Variants in PUM1 observed in about 807,000 individuals in gnomAD.
The protein encoded by PUM1 is pumilio homolog 1.
A neutral mutation model predicts 131.8 loss-of-function variants in PUM1; 13 were observed. The observed-to-expected ratio is 0.10, with a 90% CI of 0.06 to 0.16. PUM1 has a LOEUF of 0.16. PUM1 is among the 10% of genes least tolerant of loss of function. PUM1 has a pLI of 1.00. For synonymous variants in PUM1, 509 were observed against 556.5 expected (o/e 0.91, Z 1.20); for missense variants, 961 against 1,512.4 (o/e 0.64, Z 6.05).
chr1:31,050,125 A>AC (rs777396480), intron 2 of PUM1, among the ~76,000 whole-genome samples: 2 of 152,068 alleles, frequency 1.3e-5, no homozygotes, highest in Non-Finnish European at 2.9e-5. Context: ...GCCAATTGCA[A>AC]CCAGCCGAAC....
intron 2 of PUM1, among the ~76,000 whole-genome samples, chr1:31,029,579 A>G (rs753649110): frequency 1.3e-5 from 2 of 152,240 alleles, no homozygotes; most frequent in Non-Finnish European, 2.9e-5. Context: ...AGATTATTCA[A>G]AACAGTTATA....
intron 4 of PUM1, 60 bp downstream of exon 4, chr1:31,006,934 C>T: frequency 2.3e-6 from 3 of 1,332,494 alleles, no homozygotes; most frequent in Non-Finnish European, 2.1e-6. Flanking sequence ...TTGCCAATTG[C>T]TGAGGAAAGG....
At chr1:30,972,444 G>A (rs867254087) in intron 10 of PUM1, among the ~76,000 whole-genome samples, 1 of 29,290 alleles carries the variant, frequency 3.4e-5, no homozygotes, top group Non-Finnish European at 5.5e-5. Context: ...GAGGGGAGGG[G>A]AGGGAAGAGA....
chr1:31,044,210 G>A (rs1006332211), intron 2 of PUM1, among the ~76,000 whole-genome samples: 2 of 152,004 alleles, frequency 1.3e-5, no homozygotes, highest in East Asian at 3.9e-4. Flanking sequence ...GACCATCCTG[G>A]CTAACACTGT....
intron 7 of PUM1, among the ~76,000 whole-genome samples, chr1:30,990,456 C>T (rs982848158): frequency 6.6e-6 from 1 of 151,348 alleles, no homozygotes; most frequent in East Asian, 1.9e-4. Flanking sequence ...ATGAGGTGGA[C>T]GTAAATTAGA....
intron 2 of PUM1, among the ~76,000 whole-genome samples, chr1:31,038,179 C>T (rs1643678818): frequency 6.7e-6 from 1 of 148,992 alleles, no homozygotes. Flanking sequence ...GAAGAAAATG[C>T]AGATGATCTT....
intron 9 of PUM1, among the ~76,000 whole-genome samples, chr1:30,977,067 A>G (rs1471081994): frequency 6.6e-6 from 1 of 152,232 alleles, no homozygotes; most frequent in Non-Finnish European, 1.5e-5. Flanking sequence ...TGTGTGTCCA[A>G]GAGTTATCTT....
chr1:30,938,275 G>A (rs1248603453), intron 20 of PUM1, among the ~76,000 whole-genome samples: 1 of 151,852 alleles, frequency 6.6e-6, no homozygotes, highest in Non-Finnish European at 1.5e-5. Flanking sequence ...TTTTGTTTGA[G>A]ACAGTCTCGC....
chr1:31,032,934 C>T (rs1239805592), intron 2 of PUM1, among the ~76,000 whole-genome samples: 1 of 151,956 alleles, frequency 6.6e-6, no homozygotes, highest in Non-Finnish European at 1.5e-5. Flanking sequence ...GGCAAAACTC[C>T]GTCTCTACTA....
At chr1:31,006,305 A>C (rs963929902) in intron 4 of PUM1, among the ~76,000 whole-genome samples, 2 of 152,234 alleles carry the variant, frequency 1.3e-5, no homozygotes, top group African/African-American at 4.8e-5. Context: ...CTTTATAAGT[A>C]AAAGGATTTC....
At chr1:30,965,878 G>T in intron 13 of PUM1, 104 bp downstream of exon 13, 4 of 1,229,628 alleles carry the variant, frequency 3.3e-6, no homozygotes, top group Non-Finnish European at 4.5e-6. Flanking sequence ...TTCCCACAAG[G>T]CTTGGTCCAG....
chr1:31,038,984 A>ATATATATATATATATTTTTT, intron 2 of PUM1, among the ~76,000 whole-genome samples: 3 of 49,414 alleles, frequency 6.1e-5, no homozygotes, highest in African/African-American at 2.1e-4. Context: ...ATATATATAT[A>ATATATATATATATATTTTTT]TTTTTTTTTT....
chr1:30,999,981 T>C (rs893294595), intron 5 of PUM1, among the ~76,000 whole-genome samples: 7 of 152,134 alleles, frequency 4.6e-5, no homozygotes, highest in African/African-American at 1.7e-4. Flanking sequence ...CACAAAGCAG[T>C]GGTTCTATGA....
intron 6 of PUM1, among the ~76,000 whole-genome samples, chr1:30,993,763 A>T (rs1009887781): frequency 3.3e-5 from 5 of 152,166 alleles, no homozygotes. Flanking sequence ...CCTGTGCCTT[A>T]AATTTCTTCC....
intron 2 of PUM1, among the ~76,000 whole-genome samples, chr1:31,051,296 C>G (rs934442265): frequency 2.0e-5 from 3 of 150,918 alleles, no homozygotes; most frequent in African/African-American, 7.3e-5. Flanking sequence ...TATATTCATC[C>G]ACTGAATTTT....
chr1:31,006,067 C>T (rs1557582002), intron 4 of PUM1, 36 bp from the exon 5 acceptor site: 1 of 1,510,770 alleles, frequency 6.6e-7, no homozygotes, highest in African/African-American at 1.4e-5. Context: ...TACAGTGCAG[C>T]CAGAGGCTCA....
intron 6 of PUM1, 41 bp from the exon 7 acceptor site, chr1:30,992,701 T>C (rs372229145): frequency 6.4e-7 from 1 of 1,574,544 alleles, no homozygotes; most frequent in Non-Finnish European, 8.6e-7. Flanking sequence ...TTATTTTCAG[T>C]GGGGAGGGAC....
intron 2 of PUM1, among the ~76,000 whole-genome samples, chr1:31,056,383 C>T (rs906944027): frequency 6.6e-6 from 1 of 151,854 alleles, no homozygotes; most frequent in Non-Finnish European, 1.5e-5. Flanking sequence ...CGGGTTCAAG[C>T]GATTCTCCTG....
At position 30,933,253 on chromosome 1, in the gene PUM1, A is replaced by C; in HGVS notation, c.3525T>G (p.Val1175=). 6.2e-7 allele frequency: 1 copy of C among 1,613,876 alleles called. No individual in the cohort carries two copies. Among genetic ancestry groups the C allele is most frequent in the Non-Finnish European group, 8.5e-7 (1 of 1,179,906 alleles). Residue 1175 remains valine, a synonymous_variant, in exon 22 of 22, where the codon GTT becomes GTG. Coordinates refer to ENST00000426105, the MANE Select transcript of PUM1 (RefSeq NM_001020658.2). ...GGGGGCCACAGATGGGCCCTAAGTC[A>C]ACACCGTTCTTCATGTAGTACTTCT... is the stretch of plus-strand genomic sequence containing the variant. ...KLEKYYMKNG[V]DLGPICGPPN...
Sources: gnomAD v4.1 joint callset for allele counts (sites outside exome capture counted in the v4.1 genomes callset) on GRCh38, gnomAD v4.1.1 for gene constraint, MANE v1.5 for transcripts, NCBI Gene and HGNC (gene_info 2026-07-23, HGNC 2026-07-21) for gene names.